PCDH11X: variants seen among roughly 807,000 people sequenced by gnomAD.
PCDH11X encodes protocadherin-11 X-linked.
A neutral mutation model predicts 53.3 loss-of-function variants in PCDH11X; 18 were observed. That is an observed-to-expected ratio of 0.34 (90% CI 0.23 to 0.50). The LOEUF (loss-of-function observed/expected upper bound fraction) is 0.50, where lower values mean the gene tolerates loss of function less well. Ranked by LOEUF, PCDH11X falls within the 20% of genes least tolerant of loss-of-function variation. The probability of loss-of-function intolerance (pLI) is 0.98; values close to 1 mark genes in which losing one functional copy is unlikely to be tolerated. For missense variants in PCDH11X, 570 were observed against 1,032.4 expected, an observed-to-expected ratio of 0.55 and a Z score of 6.14; for synonymous variants, 279 against 393.3, an observed-to-expected ratio of 0.71 and a Z score of 3.44.
At chrX:92,470,129 T>G (rs1232992402) in intron 10 of PCDH11X, among the ~76,000 whole-genome samples, 1 of 110,494 alleles carries the variant, frequency 9.1e-6, no homozygotes, top group African/African-American at 3.3e-5. Context: ...TAATTTATCA[T>G]ATTTTATTTG....
intron 8 of PCDH11X, among the ~76,000 whole-genome samples, chrX:92,358,128 A>G (rs959198115): frequency 2.8e-5 from 3 of 105,563 alleles, no homozygotes; most frequent in African/African-American, 1.0e-4. Flanking sequence ...TTGATTTTGA[A>G]ATGTCTATAA....
intron 8 of PCDH11X, among the ~76,000 whole-genome samples, chrX:92,327,318 T>C (rs1489816895): frequency 1.5e-5 from 1 of 65,761 alleles, no homozygotes; most frequent in Non-Finnish European, 2.7e-5. Flanking sequence ...TTGAAATAAA[T>C]GATGCTTTAA....
chrX:92,057,019 G>A (rs1264201175), intron 6 of PCDH11X, among the ~76,000 whole-genome samples: 1 of 111,016 alleles, frequency 9.0e-6, no homozygotes, highest in African/African-American at 3.3e-5. Context: ...ACACTCAAGT[G>A]CAATAAAGCG....
intron 1 of PCDH11X, among the ~76,000 whole-genome samples, chrX:91,800,572 A>G (rs1221655358): frequency 3.6e-5 from 4 of 110,297 alleles, no homozygotes; most frequent in Admixed American, 9.7e-5. Context: ...TGGAACAAAC[A>G]TGATACATAA....
chrX:91,995,506 T>A (rs2062401267), intron 6 of PCDH11X, among the ~76,000 whole-genome samples: 1 of 111,543 alleles, frequency 9.0e-6, no homozygotes, highest in African/African-American at 3.3e-5. Context: ...TGTGTGGGTT[T>A]ATTAATGGAC....
At chrX:92,594,608 T>A (rs1379356036) in intron 10 of PCDH11X, among the ~76,000 whole-genome samples, 1 of 110,021 alleles carries the variant, frequency 9.1e-6, no homozygotes, top group Non-Finnish European at 1.9e-5. Flanking sequence ...GTTGTTTTAT[T>A]TTGATTTTTT....
chrX:92,319,722 A>G (rs1272217451), intron 8 of PCDH11X, among the ~76,000 whole-genome samples: 1 of 111,327 alleles, frequency 9.0e-6, no homozygotes. Flanking sequence ...GATTATCAGG[A>G]GAGTGAAATG....
chrX:92,033,391 A>T (rs1167614054), intron 6 of PCDH11X, among the ~76,000 whole-genome samples: 11 of 103,750 alleles, frequency 1.1e-4, no homozygotes, highest in Admixed American at 1.1e-3. Context: ...TTTTTTCTAG[A>T]AACTTCATAT....
intron 10 of PCDH11X, among the ~76,000 whole-genome samples, chrX:92,535,584 A>T (rs913918160): frequency 3.6e-5 from 4 of 111,563 alleles, no homozygotes; most frequent in African/African-American, 1.3e-4. Flanking sequence ...TAGGCTTAAT[A>T]CCTGGGTGAT....
chrX:92,293,341 T>G (rs1603258179), intron 8 of PCDH11X, among the ~76,000 whole-genome samples: 1 of 110,511 alleles, frequency 9.0e-6, no homozygotes, highest in African/African-American at 3.3e-5. Context: ...ACTAAAGCTG[T>G]GGGCCAGACA....
At chrX:92,068,303 C>G (rs921432557) in intron 6 of PCDH11X, among the ~76,000 whole-genome samples, 3 of 110,631 alleles carry the variant, frequency 2.7e-5, no homozygotes, top group Non-Finnish European at 5.6e-5. Context: ...TTACAGCTAT[C>G]AATCTCCCCC....
intron 6 of PCDH11X, among the ~76,000 whole-genome samples, chrX:92,096,427 A>AGTGTAT (rs1189766430): frequency 2.7e-5 from 2 of 75,027 alleles, no homozygotes; most frequent in Non-Finnish European, 5.0e-5. Context: ...CCCTAAGTGG[A>AGTGTAT]GTGTATGTGT....
chrX:92,042,604 A>G (rs2148033339), intron 6 of PCDH11X, among the ~76,000 whole-genome samples: 1 of 98,025 alleles, frequency 1.0e-5, no homozygotes, highest in Non-Finnish European at 2.0e-5. Flanking sequence ...TTGAATAAAG[A>G]TTATAGCTCA....
At chrX:91,898,608 G>A (rs1940838134) in intron 6 of PCDH11X, among the ~76,000 whole-genome samples, 1 of 105,846 alleles carries the variant, frequency 9.4e-6, no homozygotes, top group Admixed American at 1.0e-4. Flanking sequence ...GAAGATAAGA[G>A]TCAGAATGTG....
chrX:92,482,905 C>G (rs2073540261), intron 10 of PCDH11X, among the ~76,000 whole-genome samples: 1 of 111,446 alleles, frequency 9.0e-6, no homozygotes, highest in Non-Finnish European at 1.9e-5. Flanking sequence ...AATCTGACAG[C>G]AATATTTGCA....
intron 4 of PCDH11X, among the ~76,000 whole-genome samples, chrX:91,828,911 G>C (rs949242328): frequency 9.0e-5 from 10 of 110,723 alleles, no homozygotes; most frequent in African/African-American, 3.0e-4. Flanking sequence ...CATCAACTTG[G>C]ATCTTGTTTT....
chrX:92,306,153 G>C (rs1261726686), intron 8 of PCDH11X, among the ~76,000 whole-genome samples: 1 of 109,146 alleles, frequency 9.2e-6, no homozygotes, highest in Non-Finnish European at 1.9e-5. Context: ...ACAACCAATA[G>C]GTCAAGGAAG....
At chrX:92,418,041 G>A (rs2071860265) in intron 9 of PCDH11X, among the ~76,000 whole-genome samples, 3 of 108,960 alleles carry the variant, frequency 2.8e-5, no homozygotes, top group African/African-American at 1.0e-4. Context: ...ATCTTTCACT[G>A]ATATATATTG....
At chrX:92,210,229 GCTTT>G (rs1018078402) in intron 7 of PCDH11X, among the ~76,000 whole-genome samples, 3 of 68,167 alleles carry the variant, frequency 4.4e-5, no homozygotes, top group Admixed American at 2.4e-4. Context: ...CAGAAAATGG[GCTTT>G]TTTTTTTTTT....
Sources: gnomAD v4.1 joint callset for allele counts (sites outside exome capture counted in the v4.1 genomes callset) on GRCh38, gnomAD v4.1.1 for gene constraint, MANE v1.5 for transcripts, NCBI Gene and HGNC (gene_info 2026-07-23, HGNC 2026-07-21) for gene names.